GRIK4: variants seen among roughly 807,000 people sequenced by gnomAD.
GRIK4 encodes the protein glutamate receptor ionotropic, kainate 4.
In GRIK4, 40 loss-of-function variants were observed where a neutral mutation model predicts 104.9. The observed-to-expected ratio is 0.38, with a 90% confidence interval of 0.30 to 0.50. The LOEUF (loss-of-function observed/expected upper bound fraction) is 0.50, where lower values mean the gene tolerates loss of function less well. Ranked by LOEUF, GRIK4 falls within the 20% of genes least tolerant of loss-of-function variation. The pLI, the probability that GRIK4 is intolerant of heterozygous loss-of-function variation, is 0.93. For missense variants in GRIK4, 1,047 were observed against 1,308.1 expected (o/e 0.80, Z 3.08); for synonymous variants, 485 against 524.9 (o/e 0.92, Z 1.04).
At chr11:120,883,421 C>T (rs990671877) in intron 11 of GRIK4, among the ~76,000 whole-genome samples, 4 of 152,212 alleles carry the variant, frequency 2.6e-5, no homozygotes, top group Non-Finnish European at 4.4e-5. Context: ...CCTTTCCATT[C>T]CTTTCCATCC....
chr11:120,692,111 G>A (rs1055205101), intron 3 of GRIK4, among the ~76,000 whole-genome samples: 1 of 152,198 alleles, frequency 6.6e-6, no homozygotes, highest in Non-Finnish European at 1.5e-5. Flanking sequence ...GCCCAACAAG[G>A]CAGAGTGGCC....
intron 13 of GRIK4, among the ~76,000 whole-genome samples, chr11:120,922,104 T>G (rs960454641): frequency 6.6e-6 from 1 of 152,186 alleles, no homozygotes; most frequent in African/African-American, 2.4e-5. Context: ...CTGTGCCTGC[T>G]CCACAGATAG....
At chr11:120,874,580 C>G (rs1014794952) in intron 10 of GRIK4, among the ~76,000 whole-genome samples, 1 of 152,244 alleles carries the variant, frequency 6.6e-6, no homozygotes, top group African/African-American at 2.4e-5. Context: ...ACTGGCATCC[C>G]TCTGGGAGTT....
At chr11:120,737,822 A>G (rs1022301538) in intron 3 of GRIK4, among the ~76,000 whole-genome samples, 12 of 152,218 alleles carry the variant, frequency 7.9e-5, no homozygotes, top group African/African-American at 2.4e-4. Flanking sequence ...GCAAATTTCT[A>G]TATCTTAACC....
At chr11:120,542,830 G>T (rs964300107) in intron 1 of GRIK4, among the ~76,000 whole-genome samples, 12 of 152,258 alleles carry the variant, frequency 7.9e-5, no homozygotes, top group African/African-American at 2.9e-4. Flanking sequence ...GAGAAAAGAA[G>T]ACCTTTTTAT....
At chr11:120,689,270 G>T (rs1020771031) in intron 3 of GRIK4, among the ~76,000 whole-genome samples, 2 of 151,914 alleles carry the variant, frequency 1.3e-5, no homozygotes, top group Admixed American at 6.6e-5. Flanking sequence ...CTCTTGCCTG[G>T]CAAGAGCCTC....
chr11:120,612,379 G>A (rs1253339389), intron 1 of GRIK4, among the ~76,000 whole-genome samples: 2 of 152,008 alleles, frequency 1.3e-5, no homozygotes, highest in African/African-American at 2.4e-5. Context: ...TCTACATTCC[G>A]TGAGAGCAAG....
intron 6 of GRIK4, among the ~76,000 whole-genome samples, chr11:120,827,916 T>C (rs913273218): frequency 6.6e-6 from 1 of 152,192 alleles, no homozygotes; most frequent in Non-Finnish European, 1.5e-5. Flanking sequence ...ATTCCTTACG[T>C]TGAGCTGGAG....
At chr11:120,689,243 C>T (rs575281372) in intron 3 of GRIK4, among the ~76,000 whole-genome samples, 2 of 152,040 alleles carry the variant, frequency 1.3e-5, no homozygotes, top group East Asian at 1.9e-4. Flanking sequence ...CCCTTACCCT[C>T]GTCGAGCCTT....
At chr11:120,605,397 T>C (rs1259547073) in intron 1 of GRIK4, among the ~76,000 whole-genome samples, 1 of 152,214 alleles carries the variant, frequency 6.6e-6, no homozygotes, top group East Asian at 1.9e-4. Flanking sequence ...GGGGACAAAA[T>C]CTCTCTGAGC....
At chr11:120,727,888 T>G (rs2135386432) in intron 3 of GRIK4, among the ~76,000 whole-genome samples, 1 of 151,970 alleles carries the variant, frequency 6.6e-6, no homozygotes, top group East Asian at 1.9e-4. Context: ...AAAAAGAAAT[T>G]AAGAATGTGA....
intron 1 of GRIK4, among the ~76,000 whole-genome samples, chr11:120,637,509 T>G (rs1239226604): frequency 6.6e-6 from 1 of 152,184 alleles, no homozygotes; most frequent in Non-Finnish European, 1.5e-5. Flanking sequence ...TTCAGTGCTT[T>G]ACAGAGCGCC....
intron 3 of GRIK4, among the ~76,000 whole-genome samples, chr11:120,701,042 G>A (rs1311603949): frequency 3.3e-5 from 5 of 152,162 alleles, no homozygotes; most frequent in Non-Finnish European, 4.4e-5. Flanking sequence ...GTTTCATGTA[G>A]CCTAGGTGTA....
At chr11:120,961,205 A>G (rs1449922778) in intron 17 of GRIK4, 131 bp downstream of exon 17, 5 of 805,756 alleles carry the variant, frequency 6.2e-6, no homozygotes, top group Non-Finnish European at 9.8e-6. Context: ...GGAGGTCCAC[A>G]TGGGGCTCAT....
chr11:120,896,490 C>T (rs1333495177), intron 11 of GRIK4, among the ~76,000 whole-genome samples: 2 of 152,170 alleles, frequency 1.3e-5, no homozygotes, highest in Admixed American at 6.5e-5. Flanking sequence ...AGGGCGTGGA[C>T]GGGAGCATTT....
At position 120,843,582 on chromosome 11, in the gene GRIK4, A is replaced by G. The variant is rs540122840; in HGVS notation, c.744+6738A>G. 2.0e-5 allele frequency among the ~76,000 whole-genome samples: 3 copies of G among 152,174 alleles called. No homozygotes were observed. The South Asian group carries it at 6.2e-4, about 32-fold the overall frequency. ...TGCTTCACAGTTTTTTCCCATTTAA[A>G]CCTCACGACAACTCTAGCAGGAGAC... On this transcript the variant is annotated intron_variant, in intron 8 of 20. Coordinates refer to ENST00000527524, the MANE Select transcript of GRIK4 (RefSeq NM_014619.5).
intron 3 of GRIK4, among the ~76,000 whole-genome samples, chr11:120,683,025 T>C (rs1261713171): frequency 6.6e-6 from 1 of 152,072 alleles, no homozygotes; most frequent in East Asian, 1.9e-4. Context: ...ACCCTCCTTG[T>C]GTGTCATCGT....
At chr11:120,517,694 C>T (rs1470398142) in intron 1 of GRIK4, among the ~76,000 whole-genome samples, 1 of 152,134 alleles carries the variant, frequency 6.6e-6, no homozygotes, top group Non-Finnish European at 1.5e-5. Flanking sequence ...GCCCTATAAA[C>T]AAAGGCATAG....
intron 3 of GRIK4, among the ~76,000 whole-genome samples, chr11:120,749,383 A>G (rs1241641071): frequency 6.6e-6 from 1 of 152,152 alleles, no homozygotes; most frequent in Non-Finnish European, 1.5e-5. Context: ...GGGGCCAGCA[A>G]CAGGGCCCCG....
Sources: gnomAD v4.1 joint callset for allele counts (sites outside exome capture counted in the v4.1 genomes callset) on GRCh38, gnomAD v4.1.1 for gene constraint, MANE v1.5 for transcripts, NCBI Gene and HGNC (gene_info 2026-07-23, HGNC 2026-07-21) for gene names.